WDFY4: variants seen among roughly 807,000 people sequenced by gnomAD.
The protein encoded by WDFY4 is WD repeat- and FYVE domain-containing protein 4.
Under a neutral mutation model 351.9 loss-of-function variants are expected in WDFY4, and 169 were observed. That is an observed-to-expected ratio of 0.48 (90% CI 0.42 to 0.55). The LOEUF (loss-of-function observed/expected upper bound fraction) is 0.55, where lower values mean the gene tolerates loss of function less well. Among genes scored for constraint, WDFY4 ranks in the 20% least tolerant of loss-of-function variants. The pLI is 0.00. For synonymous variants in WDFY4, 1,622 were observed against 1,574.6 expected (o/e 1.03, Z -0.71); for missense variants, 3,803 against 3,935.6 (o/e 0.97, Z 0.90).
At chr10:48,788,331 C>T (rs986156929) in intron 20 of WDFY4, among the ~76,000 whole-genome samples, 199 bp from the exon 21 acceptor site, 19 of 152,114 alleles carry the variant, frequency 1.2e-4, no homozygotes, top group African/African-American at 4.8e-5. Flanking sequence ...GCCCAGCCCA[C>T]GGTTTTCTAT....
At chr10:48,898,745 C>A (rs1837213197) in intron 45 of WDFY4, among the ~76,000 whole-genome samples, 1 of 152,204 alleles carries the variant, frequency 6.6e-6, no homozygotes, top group Non-Finnish European at 1.5e-5. Flanking sequence ...AGTTAGTTCT[C>A]ATTTTGCCTG....
At chr10:48,719,210 A>G (rs2064000796) in intron 2 of WDFY4, among the ~76,000 whole-genome samples, 1 of 152,260 alleles carries the variant, frequency 6.6e-6, no homozygotes, top group Non-Finnish European at 1.5e-5. Context: ...TTTTTTATAT[A>G]CAAAGAGCTC....
At chr10:48,726,177 T>C in intron 6 of WDFY4, 107 bp downstream of exon 6, 1 of 1,276,196 alleles carries the variant, frequency 7.8e-7, no homozygotes, top group Non-Finnish European at 1.1e-6. Flanking sequence ...TGGGATGCTC[T>C]TGCAGCCTCT....
chr10:48,796,250 C>T, intron 23 of WDFY4, 48 bp from the exon 24 acceptor site: 1 of 1,522,116 alleles, frequency 6.6e-7, no homozygotes, highest in Non-Finnish European at 8.9e-7. Context: ...AAGGGGAAAT[C>T]TCTAATGATG....
At chr10:48,850,897 A>G (rs1051154139) in intron 39 of WDFY4, among the ~76,000 whole-genome samples, 8 of 152,252 alleles carry the variant, frequency 5.3e-5, no homozygotes, top group Admixed American at 4.6e-4. Context: ...AAAGGCCTGG[A>G]AATATTTGAC....
In WDFY4 at chr10:48,805,264, G is replaced by C. The variant is rs900473416; in HGVS notation, c.4489G>C (p.Gly1497Arg). 4.5e-6 allele frequency: 7 copies of C among 1,543,080 alleles called. No homozygotes were observed. The highest frequency in any genetic ancestry group is 6.1e-6 in the Non-Finnish European group (7 of 1,146,918). The change falls in exon 26 of 62, where the codon GGA becomes CGA. Residue 1497 changes from glycine to arginine, a missense_variant. Gly to Arg is a moderately radical substitution (Grantham distance 125, BLOSUM62 -2). Transcript: ENST00000325239. ...LLEILQSPRE[G>R]PRNAEAAHQA... ...TCTCTCTCCTGTACTCACCAGGGAA[G>C]GACCCAGGAATGCTGAAGCTGCCCA...
intron 13 of WDFY4, among the ~76,000 whole-genome samples, chr10:48,762,773 C>T (rs2065548260): frequency 6.6e-6 from 1 of 152,222 alleles, no homozygotes; most frequent in African/African-American, 2.4e-5. Context: ...GGCTCTTTAG[C>T]AGGGCACACA....
rs1362825675 is a variant in WDFY4, at chr10:48,811,719, A to G, written c.5214+11A>G. 1 of 1,551,234 alleles carries G rather than the reference A, an allele frequency of 6.4e-7. No homozygotes were observed. The highest frequency in any genetic ancestry group is 1.4e-5 in the African/African-American group (1 of 73,052). On this transcript the variant is annotated intron_variant, in intron 30 of 61. Coordinates refer to ENST00000325239, the MANE Select transcript of WDFY4 (RefSeq NM_001394531.1). The stretch of plus-strand genomic sequence containing the variant: ...ATGGACGGGCCCAAAGTAGGTTTTC[A>G]GAGCACCCACAGGGTGACACACTTG...
Position 48,811,655 on chromosome 10 carries a change from G to T in WDFY4, c.5161G>T (p.Val1721Phe), listed in dbSNP as rs960467505. 6 of 1,551,686 alleles carry T rather than the reference G, an allele frequency of 3.9e-6. No individual in the cohort carries two copies. The highest frequency in any genetic ancestry group is 5.2e-6 in the Non-Finnish European group (6 of 1,147,030). Reference sequence around the variant, plus strand: ...CCACATTCCAGAGGTCTACCTCATCGTCTCCACCTTCTTCCTGCAGACACC... The same window carrying T: ...CCACATTCCAGAGGTCTACCTCATCTTCTCCACCTTCTTCCTGCAGACACC... ...HVHIPEVYLI[V>F]STFFLQTPLT... The change falls in exon 30 of 62, where the codon GTC (valine) becomes TTC (phenylalanine). Residue 1721 changes from valine to phenylalanine, a missense_variant. Physicochemically the swap from Val to Phe is conservative, Grantham distance 50 (BLOSUM62 -1). Transcript: ENST00000325239.
intron 13 of WDFY4, among the ~76,000 whole-genome samples, chr10:48,761,489 G>T (rs937019479): frequency 6.6e-6 from 1 of 152,192 alleles, no homozygotes; most frequent in African/African-American, 2.4e-5. Flanking sequence ...GAGAAGGTGT[G>T]AAGAAAGGAA....
chr10:48,814,803 C>A (rs929074689), intron 31 of WDFY4, among the ~76,000 whole-genome samples: 1 of 152,124 alleles, frequency 6.6e-6, no homozygotes, highest in Non-Finnish European at 1.5e-5. Flanking sequence ...TGACACACAC[C>A]CACCCAAAAA....
intron 47 of WDFY4, among the ~76,000 whole-genome samples, chr10:48,936,163 CA>C (rs898946878): frequency 6.6e-6 from 1 of 151,450 alleles, no homozygotes; most frequent in African/African-American, 2.4e-5. Context: ...TTGGAAAGTA[CA>C]AAAAAAGCAA....
At chr10:48,834,362 G>T (rs1265644234) in intron 39 of WDFY4, among the ~76,000 whole-genome samples, 1 of 152,182 alleles carries the variant, frequency 6.6e-6, no homozygotes, top group Non-Finnish European at 1.5e-5. Context: ...AGGACCTTAG[G>T]GAATTTATGG....
At chr10:48,906,389 G>T (rs982053325) in intron 47 of WDFY4, among the ~76,000 whole-genome samples, 3 of 152,130 alleles carry the variant, frequency 2.0e-5, no homozygotes, top group African/African-American at 7.2e-5. Context: ...TGCTAAGAAG[G>T]CTCTCTGGGC....
At chr10:48,716,515 CT>C (rs1363771746) in intron 2 of WDFY4, among the ~76,000 whole-genome samples, 1 of 152,164 alleles carries the variant, frequency 6.6e-6, no homozygotes, top group African/African-American at 2.4e-5. Context: ...TGGAAGCTGC[CT>C]TAACTCTTTG....
At chr10:48,765,351 G>A (rs532454269) in intron 13 of WDFY4, among the ~76,000 whole-genome samples, 20 of 152,308 alleles carry the variant, frequency 1.3e-4, no homozygotes, top group African/African-American at 4.8e-4. Context: ...AGAGCCATGG[G>A]AAAATTATTT....
At chr10:48,719,875 G>T (rs544803284) in intron 2 of WDFY4, 136 bp from the exon 3 acceptor site, 3 of 698,432 alleles carry the variant, frequency 4.3e-6, no homozygotes, top group African/African-American at 3.5e-5. Context: ...GGTGGGTGAC[G>T]TGGTGGCCTT....
intron 1 of WDFY4, among the ~76,000 whole-genome samples, chr10:48,696,303 T>G (rs956608100): frequency 2.0e-5 from 3 of 152,320 alleles, no homozygotes; most frequent in Middle Eastern, 3.4e-3. Flanking sequence ...GTGCTGGCCA[T>G]GCAGGGCCCA....
At chr10:48,969,280 C>T in intron 56 of WDFY4, 32 bp downstream of exon 56, 1 of 1,547,104 alleles carries the variant, frequency 6.5e-7, no homozygotes, top group Non-Finnish European at 8.7e-7. Context: ...GGGGCAGCCT[C>T]AGGACCTCAG....
Sources: allele counts gnomAD v4.1 joint callset (sites outside exome capture counted in the v4.1 genomes callset), GRCh38; gene constraint gnomAD v4.1.1; transcripts MANE v1.5; gene names NCBI Gene and HGNC (gene_info 2026-07-23, HGNC 2026-07-21).